Variants in TGFBR2 observed in about 807,000 individuals in gnomAD.
TGFBR2 encodes TGF-beta receptor type-2.
Under a neutral mutation model 49.0 loss-of-function variants are expected in TGFBR2, and 18 were observed. The ratio of observed to expected loss-of-function variants is 0.37; its 90% CI spans 0.25 to 0.54. The LOEUF (loss-of-function observed/expected upper bound fraction) is 0.54, where lower values mean the gene tolerates loss of function less well. Ranked by LOEUF, TGFBR2 falls within the 20% of genes least tolerant of loss-of-function variation. TGFBR2 has a pLI of 0.85. For synonymous variants in TGFBR2, 282 were observed against 275.9 expected, an observed-to-expected ratio of 1.02 and a Z score of -0.22; for missense variants, 525 against 722.6, an observed-to-expected ratio of 0.73 and a Z score of 3.13.
intron 2 of TGFBR2, 118 bp downstream of exon 2, chr3:30,645,033 CT>C: frequency 1.0e-6 from 1 of 957,936 alleles, no homozygotes; most frequent in East Asian, 2.6e-5. Flanking sequence ...TTCCATTTCC[CT>C]TTCCTTTAGA....
chr3:30,693,148 A>G lies in TGFBR2; in HGVS notation c.*1549A>G. On this transcript the variant is annotated 3_prime_UTR_variant, in exon 7 of 7. Coordinates refer to ENST00000295754, the MANE Select transcript of TGFBR2 (RefSeq NM_003242.6). ...CTCCTTTAAGGGTCTCAGTTAGCCC[A>G]AGTTTCTTTTGCTTATATGTTAATA... 4.3e-6 allele frequency: 1 copy of G among 233,358 alleles called. No individual in the cohort carries two copies. The highest frequency in any genetic ancestry group is 6.0e-5 in the East Asian group (1 of 16,694). The allele number at this position is 233,358 out of a possible 1,614,324, so 14.5% of individuals were successfully genotyped here. A position where few individuals can be genotyped will look rare whatever the true frequency, so the allele number is the denominator to read the frequency against.
intron 1 of TGFBR2, among the ~76,000 whole-genome samples, chr3:30,615,072 T>C (rs1238923512): frequency 1.3e-5 from 2 of 152,180 alleles, no homozygotes; most frequent in Non-Finnish European, 2.9e-5. Context: ...AAAAATGAAG[T>C]GTATACCTCA....
chr3:30,688,825 G>A (rs181322508), intron 6 of TGFBR2, among the ~76,000 whole-genome samples: 3 of 152,266 alleles, frequency 2.0e-5, no homozygotes, highest in Admixed American at 2.0e-4. Flanking sequence ...GGGCCTTCAC[G>A]TCAGGAGTTT....
At chr3:30,621,814 T>C (rs906589654) in intron 1 of TGFBR2, among the ~76,000 whole-genome samples, 2 of 152,214 alleles carry the variant, frequency 1.3e-5, no homozygotes, top group Non-Finnish European at 2.9e-5. Flanking sequence ...TTGGTTGTTA[T>C]CAGTTTATTA....
In TGFBR2 at chr3:30,617,084, A is replaced by G. The variant is rs1044695766; in HGVS notation, c.94+10107A>G. 6.0e-4 allele frequency among the ~76,000 whole-genome samples: 31 copies of G among 51,512 alleles called. No individual in the cohort carries two copies. The East Asian group carries it at 9.7e-3, about 16-fold the overall frequency. 33.8% of individuals were successfully genotyped at this position (51,512 alleles called of 152,430 possible). ...AAAGGAACTTTCATATTTTTTGGGA[A>G]AAAAAAAAAAGGAAACTTGTCTAGA... On this transcript the variant is annotated intron_variant, in intron 1 of 6. Transcript: ENST00000295754.
intron 3 of TGFBR2, among the ~76,000 whole-genome samples, chr3:30,651,768 TA>T (rs1239176055): frequency 2.0e-5 from 3 of 152,258 alleles, no homozygotes; most frequent in Non-Finnish European, 4.4e-5. Context: ...TAAGCACTAC[TA>T]AACTATTCTC....
In TGFBR2 at chr3:30,692,843, C is replaced by G; in HGVS notation, c.*1244C>G. On this transcript the variant is annotated 3_prime_UTR_variant, in exon 7 of 7. Transcript: ENST00000295754. The stretch of plus-strand genomic sequence containing the variant: ...AGATTTTGCAGGAAAATCTGGATCC[C>G]CAGGTAAGGATAGCAGATGGTTTTC... 4.3e-6 allele frequency: 1 copy of G among 233,186 alleles called. No individual in the cohort carries two copies. The highest frequency in any genetic ancestry group is 8.5e-6 in the Non-Finnish European group (1 of 117,944). 14.4% of individuals were successfully genotyped at this position (233,186 alleles called of 1,614,324 possible).
intron 1 of TGFBR2, among the ~76,000 whole-genome samples, chr3:30,632,936 T>G (rs1283055968): frequency 6.6e-6 from 1 of 152,214 alleles, no homozygotes; most frequent in African/African-American, 2.4e-5. Flanking sequence ...CTAAAATAAG[T>G]GAAGTAATTA....
chr3:30,622,568 C>T (rs922392042), intron 1 of TGFBR2, among the ~76,000 whole-genome samples: 8 of 151,684 alleles, frequency 5.3e-5, no homozygotes, highest in Non-Finnish European at 1.0e-4. Flanking sequence ...TAGTCATTTG[C>T]GTACTTCTTC....
chr3:30,612,294 C>G (rs994841909), intron 1 of TGFBR2, among the ~76,000 whole-genome samples: 20 of 152,286 alleles, frequency 1.3e-4, no homozygotes, highest in Admixed American at 1.0e-3. Flanking sequence ...TGCTCAGGGT[C>G]TCTCTGGAGT....
At chr3:30,642,855 T>C (rs1698670187) in intron 1 of TGFBR2, among the ~76,000 whole-genome samples, 1 of 152,200 alleles carries the variant, frequency 6.6e-6, no homozygotes, top group African/African-American at 2.4e-5. Context: ...TCAGAGAGTA[T>C]TTCTGCCTAT....
At chr3:30,621,722 G>A (rs1244991765) in intron 1 of TGFBR2, among the ~76,000 whole-genome samples, 2 of 152,196 alleles carry the variant, frequency 1.3e-5, no homozygotes, top group Admixed American at 6.5e-5. Context: ...TAATGATGAT[G>A]TTGGTGAGGA....
chr3:30,636,347 T>C (rs1162871083), intron 1 of TGFBR2, among the ~76,000 whole-genome samples: 5 of 152,182 alleles, frequency 3.3e-5, no homozygotes, highest in Non-Finnish European at 5.9e-5. Flanking sequence ...TACAAAAACA[T>C]GTGCATGAAA....
Position 30,660,438 on chromosome 3 carries a change from C to A in TGFBR2, c.454+9978C>A, listed in dbSNP as rs539347972. On this transcript the variant is annotated intron_variant, in intron 3 of 6. Transcript: ENST00000295754. ...TGGTATCAGGAATTATTTTTTAATT[C>A]TTCAAGATATTTTAATATGCAGCCC... Among the ~76,000 whole-genome samples the A allele has an allele frequency of 3.9e-5, 6 of 152,262 alleles. 1 individual carries two copies. The South Asian group carries it at 1.2e-3, about 32-fold the overall frequency.
intron 5 of TGFBR2, among the ~76,000 whole-genome samples, chr3:30,678,925 T>C (rs1411519855): frequency 1.3e-5 from 2 of 152,222 alleles, no homozygotes; most frequent in African/African-American, 2.4e-5. Context: ...TCTAACTGAA[T>C]GAAGTAGGAT....
chr3:30,655,402 T>C (rs1209518859), intron 3 of TGFBR2, among the ~76,000 whole-genome samples: 1 of 152,218 alleles, frequency 6.6e-6, no homozygotes, highest in East Asian at 1.9e-4. Flanking sequence ...GTTTCTCTTT[T>C]TCTCCACATG....
At chr3:30,627,072 C>T (rs1698344929) in intron 1 of TGFBR2, among the ~76,000 whole-genome samples, 2 of 151,924 alleles carry the variant, frequency 1.3e-5, no homozygotes, top group Admixed American at 1.3e-4. Flanking sequence ...CTTTTTTTCC[C>T]ACATGGGAAA....
intron 6 of TGFBR2, among the ~76,000 whole-genome samples, chr3:30,689,652 C>G (rs1024184033): frequency 2.0e-5 from 3 of 152,214 alleles, no homozygotes; most frequent in Admixed American, 6.5e-5. Context: ...TCACAGGCTT[C>G]TCTGGAGTTT....
At position 30,692,953 on chromosome 3, in the gene TGFBR2, C is replaced by T. The variant is rs11466532; in HGVS notation, c.*1354C>T. On this transcript the variant is annotated 3_prime_UTR_variant, in exon 7 of 7. Transcript: ENST00000295754. The stretch of plus-strand genomic sequence containing the variant: ...TCACTTCTCACTGTAAACATTAGCT[C>T]TTTCCACTGCCTACCTGGACCCCAG... 6.4e-3 allele frequency: 1,501 copies of T among 233,240 alleles called. 27 individuals carry two copies. Among genetic ancestry groups the T allele is most frequent in the African/African-American group, 0.03 (1,379 of 45,438 alleles). The allele number at this position is 233,240 out of a possible 1,614,324, so 14.4% of individuals were successfully genotyped here. A position where few individuals can be genotyped will look rare whatever the true frequency, so the allele number is the denominator to read the frequency against.
Sources: gnomAD v4.1 joint callset for allele counts (sites outside exome capture counted in the v4.1 genomes callset) on GRCh38, gnomAD v4.1.1 for gene constraint, MANE v1.5 for transcripts, NCBI Gene and HGNC (gene_info 2026-07-23, HGNC 2026-07-21) for gene names.